SYNE1: variants seen among roughly 807,000 people sequenced by gnomAD.
SYNE1 encodes nesprin-1.
SYNE1 carries 616 observed loss-of-function variants against 1,111.0 expected under a neutral mutation model. The ratio of observed to expected loss-of-function variants is 0.55; its 90% confidence interval spans 0.52 to 0.59. The LOEUF (loss-of-function observed/expected upper bound fraction) is 0.59, where lower values mean the gene tolerates loss of function less well. Among genes scored for constraint, SYNE1 ranks in the 20% least tolerant of loss-of-function variants. The pLI, the probability that SYNE1 is intolerant of heterozygous loss-of-function variation, is 0.00. For synonymous variants in SYNE1, 3,855 were observed against 3,825.8 expected (o/e 1.01, Z -0.28); for missense variants, 10,006 against 10,417.0 (o/e 0.96, Z 1.72).
chr6:152,581,694 C>A (rs994441628), intron 3 of SYNE1, among the ~76,000 whole-genome samples: 2 of 152,094 alleles, frequency 1.3e-5, no homozygotes, highest in Non-Finnish European at 2.9e-5. Flanking sequence ...TAAAGGGAAC[C>A]TAGTTGTCCA....
chr6:152,278,273 A>G lies in SYNE1; in HGVS notation c.18389T>C (p.Leu6130Pro). The change falls in exon 98 of 146, where the codon CTG becomes CCG. Residue 6130 changes from leucine to proline, a missense_variant. Leu to Pro is a moderately conservative substitution (Grantham distance 98). Coordinates refer to ENST00000367255, the MANE Select transcript of SYNE1 (RefSeq NM_182961.4). ...CACCACCTTCTGCTCTATTTCCACC[A>G]GCATATTCTGCAGCAACAGAAATAA... Reference protein sequence around the residue: ...EAQLMDCQNMLVEIEQKVVAL... With the variant: ...EAQLMDCQNMPVEIEQKVVAL... 6.2e-7 allele frequency: 1 copy of G among 1,614,102 alleles called. No individual in the cohort carries two copies. Among genetic ancestry groups the G allele is most frequent in the African/African-American group, 1.3e-5 (1 of 75,044 alleles).
intron 117 of SYNE1, among the ~76,000 whole-genome samples, chr6:152,222,422 G>A (rs760284176): frequency 4.6e-5 from 7 of 152,144 alleles, no homozygotes; most frequent in African/African-American, 9.7e-5. Flanking sequence ...TTACATACCC[G>A]CAGTGCTTCT....
rs1439289013 is a variant in SYNE1 at position 152,232,249 on chromosome 6, A to G, written c.20729T>C (p.Leu6910Pro). The change falls in exon 113 of 146, where the codon CTG (leucine) becomes CCG (proline). Residue 6910 changes from leucine (L) to proline (P), a missense_variant. Coordinates refer to ENST00000367255, the MANE Select transcript of SYNE1 (RefSeq NM_182961.4). ...TTCAGAAATGGCATGGCGGGAAGGC[A>G]GTTTATCCATCTGGAGCTGTCCAAG... ...EKLHQLQMDKLPSRHAISEVM... is the reference protein window; with the variant it reads ...EKLHQLQMDKPPSRHAISEVM... 2 of 1,613,884 alleles carry G rather than the reference A, an allele frequency of 1.2e-6. No individual in the cohort carries two copies. The highest frequency in any genetic ancestry group is 2.7e-5 in the African/African-American group (2 of 74,926).
intron 4 of SYNE1, among the ~76,000 whole-genome samples, chr6:152,532,288 A>C (rs955112911): frequency 6.6e-6 from 1 of 152,194 alleles, no homozygotes; most frequent in Non-Finnish European, 1.5e-5. Context: ...CCTGTCTCAC[A>C]CCAGGACCAT....
intron 44 of SYNE1, among the ~76,000 whole-genome samples, chr6:152,407,838 T>C (rs1281135959): frequency 6.6e-6 from 1 of 150,644 alleles, no homozygotes; most frequent in Admixed American, 6.6e-5. Context: ...CTCAGCTCAC[T>C]GCAACCTCCG....
Position 152,481,063 on chromosome 6 carries a change from A to G in SYNE1, c.1350+2022T>C, listed in dbSNP as rs1253437888. On this transcript the variant is annotated intron_variant, in intron 14 of 145. Coordinates refer to ENST00000367255, the MANE Select transcript of SYNE1 (RefSeq NM_182961.4). ...TAGCATGTGCATTGGCCAACTTAGG[A>G]CTCACTCCCCCGTAGGAGATACTAC... The G allele has an allele frequency of 1.1e-5, 3 of 279,210 alleles. No homozygotes were observed. In the East Asian group the frequency reaches 2.7e-4, roughly 25 times the overall value. 17.3% of individuals were successfully genotyped at this position (279,210 alleles called of 1,614,324 possible).
At chr6:152,191,039 T>G (rs140187788) in intron 127 of SYNE1, among the ~76,000 whole-genome samples, 128 of 152,348 alleles carry the variant, frequency 8.4e-4, no homozygotes, top group African/African-American at 3.0e-3. Flanking sequence ...TCATATAACT[T>G]TTGTCTTTCA....
intron 130 of SYNE1, among the ~76,000 whole-genome samples, chr6:152,173,822 A>G (rs549167203): frequency 2.2e-4 from 33 of 152,370 alleles, no homozygotes; most frequent in African/African-American, 7.7e-4. Context: ...TTAGTATTGT[A>G]TAAGTGACTA....
At chr6:152,164,465 G>C (rs1052083092) in intron 130 of SYNE1, 140 bp from the exon 131 acceptor site, 1 of 959,132 alleles carries the variant, frequency 1.0e-6, no homozygotes, top group Non-Finnish European at 1.6e-6. Flanking sequence ...AAAGACAGAA[G>C]ACAAAGGAGG....
intron 98 of SYNE1, among the ~76,000 whole-genome samples, chr6:152,272,419 G>T (rs989089184): frequency 1.3e-5 from 2 of 152,166 alleles, no homozygotes; most frequent in Non-Finnish European, 2.9e-5. Context: ...ACTTTTGCCA[G>T]GAACATTCCT....
chr6:152,479,803 C>T (rs2098871906), intron 14 of SYNE1, among the ~76,000 whole-genome samples: 2 of 152,122 alleles, frequency 1.3e-5, no homozygotes, highest in Non-Finnish European at 2.9e-5. Flanking sequence ...CACATATATA[C>T]ATATATACGT....
intron 130 of SYNE1, among the ~76,000 whole-genome samples, chr6:152,169,046 C>A (rs1189895443): frequency 2.6e-5 from 4 of 151,870 alleles, no homozygotes; most frequent in African/African-American, 9.7e-5. Flanking sequence ...ATTATTAATT[C>A]CTATAATTCA....
At chr6:152,217,676 A>G (rs957845362) in intron 121 of SYNE1, among the ~76,000 whole-genome samples, 1 of 152,010 alleles carries the variant, frequency 6.6e-6, no homozygotes, top group Non-Finnish European at 1.5e-5. Flanking sequence ...CAGAGACGAG[A>G]GGTTCAAAAG....
intron 106 of SYNE1, 46 bp from the exon 107 acceptor site, chr6:152,242,486 C>T: frequency 6.2e-7 from 1 of 1,606,018 alleles, no homozygotes; most frequent in South Asian, 1.1e-5. Flanking sequence ...CATATTCTGG[C>T]AACCCTCTAA....
At chr6:152,629,354 A>G (rs531530179) in intron 2 of SYNE1, among the ~76,000 whole-genome samples, 5 of 151,792 alleles carry the variant, frequency 3.3e-5, no homozygotes, top group Non-Finnish European at 5.9e-5. Context: ...ACAGGCGTAT[A>G]CCACCACGCC....
intron 11 of SYNE1, among the ~76,000 whole-genome samples, chr6:152,492,193 C>A (rs934621686): frequency 1.3e-5 from 2 of 152,124 alleles, no homozygotes; most frequent in Non-Finnish European, 2.9e-5. Context: ...GCCAGAAGGC[C>A]GTCCTATTCT....
intron 11 of SYNE1, among the ~76,000 whole-genome samples, chr6:152,495,661 T>C (rs922719865): frequency 6.6e-6 from 1 of 152,314 alleles, no homozygotes. Flanking sequence ...CTCATTCCAA[T>C]GACCTGCTGT....
At chr6:152,496,723 T>C (rs2099001367) in intron 11 of SYNE1, among the ~76,000 whole-genome samples, 1 of 152,152 alleles carries the variant, frequency 6.6e-6, no homozygotes, top group Non-Finnish European at 1.5e-5. Context: ...TTTTGTTTTG[T>C]TTTTCTTATT....
intron 100 of SYNE1, 140 bp downstream of exon 100, chr6:152,267,916 C>T (rs753901760): frequency 1.1e-5 from 8 of 756,694 alleles, no homozygotes; most frequent in South Asian, 4.5e-5. Flanking sequence ...AATGCAGGTA[C>T]ATTTACTACC....
Sources: allele counts gnomAD v4.1 joint callset (sites outside exome capture counted in the v4.1 genomes callset), GRCh38; gene constraint gnomAD v4.1.1; transcripts MANE v1.5; gene names NCBI Gene and HGNC (gene_info 2026-07-23, HGNC 2026-07-21).